The following DOCK1 variants were observed in gnomAD, a reference collection of about 807,000 sequenced individuals.
DOCK1 encodes the protein dedicator of cytokinesis protein 1.
In DOCK1, 138 loss-of-function variants were observed where a neutral mutation model predicts 262.7. The observed-to-expected ratio is 0.53, with a 90% CI of 0.46 to 0.61. The LOEUF is 0.61. Ranked by LOEUF, DOCK1 falls within the 20% of genes least tolerant of loss-of-function variation. The pLI is 0.00. For missense variants in DOCK1, 1,908 were observed against 2,370.7 expected, an observed-to-expected ratio of 0.80 and a Z score of 4.05; for synonymous variants, 866 against 867.4, an observed-to-expected ratio of 1.00 and a Z score of 0.03.
At chr10:127,276,598 G>T (rs1020386201) in intron 29 of DOCK1, among the ~76,000 whole-genome samples, 1 of 152,148 alleles carries the variant, frequency 6.6e-6, no homozygotes, top group Non-Finnish European at 1.5e-5. Context: ...GGACATTTCA[G>T]GCTCTAGCTG....
At chr10:126,957,699 C>T (rs889875319) in intron 1 of DOCK1, among the ~76,000 whole-genome samples, 14 of 152,158 alleles carry the variant, frequency 9.2e-5, no homozygotes, top group Non-Finnish European at 1.9e-4. Flanking sequence ...AGGCTGGTTT[C>T]GATCTCATGG....
chr10:127,403,188 C>T lies in DOCK1; in HGVS notation c.4017+44C>T, dbSNP rs544586448. On this transcript the variant is annotated intron_variant, in intron 39 of 51. Transcript: ENST00000623213. ...TTATTTAAATGAACACAGGCAATCT[C>T]AGCTGGTTTTTCAGGAATCTCTCTT... 1,655 of 1,542,332 alleles carry T rather than the reference C, an allele frequency of 1.1e-3. 21 individuals carry two copies. In the South Asian group the frequency reaches 0.018, roughly 17 times the overall value.
intron 30 of DOCK1, among the ~76,000 whole-genome samples, chr10:127,342,095 TTGC>T (rs955397873): frequency 2.6e-5 from 3 of 114,636 alleles, no homozygotes; most frequent in East Asian, 6.7e-4. Context: ...GCTGTTGTTG[TTGC>T]TGCTGCTGCT....
At chr10:127,031,086 A>G (rs962702892) in intron 16 of DOCK1, among the ~76,000 whole-genome samples, 1 of 152,194 alleles carries the variant, frequency 6.6e-6, no homozygotes, top group Admixed American at 6.5e-5. Context: ...TCGTTAGTCC[A>G]TTGGTAATTC....
intron 51 of DOCK1, 33 bp from the exon 52 acceptor site, chr10:127,451,299 A>G: frequency 6.4e-7 from 1 of 1,564,366 alleles, no homozygotes. Context: ...GACATCAGTT[A>G]TGTGACATCT....
chr10:127,047,354 T>C (rs2044417330), intron 21 of DOCK1, among the ~76,000 whole-genome samples: 2 of 152,198 alleles, frequency 1.3e-5, no homozygotes, highest in South Asian at 2.1e-4. Context: ...TCAAATGTTA[T>C]AGTGCAGACG....
At chr10:127,125,962 A>AAAAT (rs916035120) in intron 26 of DOCK1, among the ~76,000 whole-genome samples, 4 of 152,170 alleles carry the variant, frequency 2.6e-5, no homozygotes, top group Non-Finnish European at 4.4e-5. Flanking sequence ...CACAAAGTTA[A>AAAAT]AAATAAATAA....
intron 1 of DOCK1, among the ~76,000 whole-genome samples, chr10:126,943,232 G>A (rs1231019514): frequency 2.0e-5 from 3 of 152,200 alleles, no homozygotes; most frequent in African/African-American, 7.2e-5. Flanking sequence ...CAGCCTGGGT[G>A]ACAGAGAGAG....
chr10:126,950,565 G>A (rs1168613208), intron 1 of DOCK1, among the ~76,000 whole-genome samples: 1 of 152,108 alleles, frequency 6.6e-6, no homozygotes, highest in Admixed American at 6.6e-5. Flanking sequence ...GAAATCGGTT[G>A]CAGAGAGAGG....
chr10:127,231,229 C>G (rs965818833), intron 27 of DOCK1, among the ~76,000 whole-genome samples: 14 of 143,170 alleles, frequency 9.8e-5, no homozygotes, highest in Non-Finnish European at 2.0e-4. Context: ...AATGGGTAGA[C>G]TGAATCCAAG....
rs375280418 is a variant in DOCK1, at chr10:127,223,467, C to T, written c.2848-24541C>T. Among the ~76,000 whole-genome samples, 11 of 152,184 alleles carry T rather than the reference C, an allele frequency of 7.2e-5. No homozygotes were observed. In the South Asian group the frequency reaches 1.0e-3, roughly 14 times the overall value. On this transcript the variant is annotated intron_variant, in intron 27 of 51. Coordinates refer to ENST00000623213, the MANE Select transcript of DOCK1 (RefSeq NM_001290223.2). ...CATCCCTAATTGGAAAATTCGAAAT[C>T]GGAAATGCTCCAAAACCCCAAAATT... is the stretch of plus-strand genomic sequence containing the variant.
At chr10:127,394,678 G>C (rs1590867928) in intron 38 of DOCK1, among the ~76,000 whole-genome samples, 1 of 152,156 alleles carries the variant, frequency 6.6e-6, no homozygotes, top group South Asian at 2.1e-4. Flanking sequence ...TGCAGTAATT[G>C]ATCATCAAAG....
intron 25 of DOCK1, among the ~76,000 whole-genome samples, chr10:127,118,200 A>G (rs577514220): frequency 6.6e-6 from 1 of 152,074 alleles, no homozygotes; most frequent in Non-Finnish European, 1.5e-5. Context: ...CTGCAGACTG[A>G]CAGCCCTGTA....
chr10:127,051,425 G>A (rs750476508), intron 21 of DOCK1, among the ~76,000 whole-genome samples: 4 of 152,040 alleles, frequency 2.6e-5, no homozygotes, highest in Non-Finnish European at 5.9e-5. Context: ...AAGACCATTT[G>A]TAAATTTTAA....
chr10:127,066,767 T>A (rs572618454), intron 23 of DOCK1, among the ~76,000 whole-genome samples: 2 of 152,350 alleles, frequency 1.3e-5, no homozygotes, highest in Admixed American at 6.5e-5. Context: ...CTCAACTGAT[T>A]TAGTCTTTAC....
Position 127,175,910 on chromosome 10 carries a change from A to G in DOCK1, c.2847+48146A>G, listed in dbSNP as rs1487229545. 6 of 1,614,052 alleles carry G rather than the reference A, an allele frequency of 3.7e-6. No homozygotes were observed. The highest frequency in any genetic ancestry group is 5.1e-6 in the Non-Finnish European group (6 of 1,180,040). On this transcript the variant is annotated intron_variant, in intron 27 of 51. Coordinates refer to ENST00000623213, the MANE Select transcript of DOCK1 (RefSeq NM_001290223.2). This position sits in a 1 kb window ranked among gnomAD's most constrained non-coding sequence, Gnocchi z 6.3. ...TGGTCTTGTGCACCCGCCCCGCGCC[A>G]CATGGCCGGGCCTCCTCCATGGGTC...
chr10:127,205,492 G>C (rs935116388), intron 27 of DOCK1, among the ~76,000 whole-genome samples: 1 of 152,180 alleles, frequency 6.6e-6, no homozygotes, highest in African/African-American at 2.4e-5. Context: ...GATTAAAGCT[G>C]AACTCAGACA....
At chr10:127,432,003 C>G (rs910706067) in intron 47 of DOCK1, among the ~76,000 whole-genome samples, 1 of 152,082 alleles carries the variant, frequency 6.6e-6, no homozygotes, top group Non-Finnish European at 1.5e-5. Flanking sequence ...AGCATGAACT[C>G]GATTGTAAAC....
chr10:127,138,073 A>T, intron 27 of DOCK1: 1 of 1,509,446 alleles, frequency 6.6e-7, no homozygotes. Context: ...CCATATGAAG[A>T]TCCCTCTTAG....
Sources: gnomAD v4.1 joint callset for allele counts (sites outside exome capture counted in the v4.1 genomes callset) on GRCh38, gnomAD v4.1.1 for gene constraint, Gnocchi (gnomAD v3.1) non-coding constraint, MANE v1.5 for transcripts, NCBI Gene and HGNC (gene_info 2026-07-23, HGNC 2026-07-21) for gene names.